The following DNAH11 variants were observed in gnomAD, a reference collection of about 807,000 sequenced individuals.
The protein encoded by DNAH11 is dynein axonemal heavy chain 11, also known as axonemal beta dynein heavy chain 11.
DNAH11 carries 442 observed loss-of-function variants against 526.0 expected under a neutral mutation model. The observed-to-expected ratio is 0.84, with a 90% confidence interval of 0.78 to 0.91. The LOEUF is 0.91. DNAH11 is among the 40% of genes least tolerant of loss of function. The pLI, the probability that DNAH11 is intolerant of heterozygous loss-of-function variation, is 0.00. For synonymous variants in DNAH11, 2,461 were observed against 1,935.9 expected, an observed-to-expected ratio of 1.27 and a Z score of -7.12; for missense variants, 6,989 against 5,448.7, an observed-to-expected ratio of 1.28 and a Z score of -8.90.
At chr7:21,815,255 C>G (rs1014900420) in intron 63 of DNAH11, among the ~76,000 whole-genome samples, 1 of 152,094 alleles carries the variant, frequency 6.6e-6, no homozygotes, top group South Asian at 2.1e-4. Flanking sequence ...TAGAAGGTAA[C>G]AAACTAAAGC....
intron 63 of DNAH11, among the ~76,000 whole-genome samples, chr7:21,809,292 T>C (rs1422155279): frequency 6.6e-6 from 1 of 152,240 alleles, no homozygotes; most frequent in Non-Finnish European, 1.5e-5. Context: ...ATTGATGCCT[T>C]GTTGGGTGAA....
chr7:21,729,437 G>C (rs1583635961), intron 45 of DNAH11, among the ~76,000 whole-genome samples: 2 of 152,156 alleles, frequency 1.3e-5, no homozygotes, highest in Non-Finnish European at 2.9e-5. Context: ...TCTGCGTATG[G>C]ACAAGCTGAG....
Position 21,901,302 on chromosome 7 carries a change from T to C in DNAH11, c.*48T>C. The C allele has an allele frequency of 6.5e-7, 1 of 1,550,192 alleles. No individual in the cohort carries two copies. Among genetic ancestry groups the C allele is most frequent in the Non-Finnish European group, 8.7e-7 (1 of 1,149,404 alleles). ...CCTCTGCTGGAGTGCAGTGAGGATT[T>C]TCTAGCATGTTGCTGCACTGTTCCC... is the stretch of plus-strand genomic sequence containing the variant. On this transcript the variant is annotated 3_prime_UTR_variant, in exon 82 of 82. Transcript: ENST00000409508.
intron 66 of DNAH11, among the ~76,000 whole-genome samples, chr7:21,844,583 G>A (rs559450092): frequency 8.5e-5 from 13 of 152,240 alleles, no homozygotes; most frequent in African/African-American, 2.6e-4. Context: ...TCCAGAAAAC[G>A]ATTGCCACCC....
chr7:21,559,764 G>C lies in DNAH11; in HGVS notation c.854G>C (p.Arg285Thr). ...GAACTAGATTTCTGGATGATGAGGA[G>C]AGAAAATCTGTCATGCATTTATGAT... ...QAELDFWMMR[R>T]ENLSCIYDQL... Residue 285 changes from arginine to threonine, a missense_variant, in exon 4 of 82, where the codon AGA (arginine) becomes ACA (threonine). Transcript: ENST00000409508. 2 of 1,604,238 alleles carry C rather than the reference G, an allele frequency of 1.2e-6. No individual in the cohort carries two copies. The highest frequency in any genetic ancestry group is 1.3e-5 in the African/African-American group (1 of 74,960).
intron 1 of DNAH11, among the ~76,000 whole-genome samples, chr7:21,544,439 T>TA (rs1010379016): frequency 5.3e-5 from 8 of 152,172 alleles, no homozygotes; most frequent in East Asian, 1.9e-4. Flanking sequence ...ATTGTAACTT[T>TA]AAAAAAAATA....
rs200445638 is a variant in DNAH11 at position 21,900,074 on chromosome 7, A to C, written c.13257A>C (p.Gly4419=). The change falls in exon 81 of 82, where the codon GGA becomes GGC. Residue 4419 remains glycine (G), a synonymous_variant. Coordinates refer to ENST00000409508, the MANE Select transcript of DNAH11 (RefSeq NM_001277115.2). ...CCAAAAAAACAAAGGAAGATTATGG[A>C]CACCCGCCAAGGGAAGGTGCATACC... ...DVTKKTKEDY[G]HPPREGAYLH... is the part of the protein sequence containing the mutation. 1 of 1,613,946 alleles carries C rather than the reference A, an allele frequency of 6.2e-7. No individual in the cohort carries two copies. Among genetic ancestry groups the C allele is most frequent in the East Asian group, 2.2e-5 (1 of 44,888 alleles).
intron 30 of DNAH11, among the ~76,000 whole-genome samples, chr7:21,680,452 A>C (rs76721788): frequency 0.01 from 1,544 of 152,322 alleles, 32 homozygotes; most frequent in African/African-American, 0.035. Flanking sequence ...CATACTAACA[A>C]AATGACCACC....
At chr7:21,630,862 C>G (rs145467125) in intron 25 of DNAH11, among the ~76,000 whole-genome samples, 1 of 152,122 alleles carries the variant, frequency 6.6e-6, no homozygotes, top group African/African-American at 2.4e-5. Flanking sequence ...ATTTATATCT[C>G]TCTCAGGCTT....
intron 75 of DNAH11, 50 bp downstream of exon 75, chr7:21,880,943 C>CAGTCTTTG: frequency 6.7e-7 from 1 of 1,487,002 alleles, no homozygotes; most frequent in Non-Finnish European, 9.0e-7. Context: ...ACAAAGCTGT[C>CAGTCTTTG]AGTCTTTGGG....
At chr7:21,898,877 C>T (rs75439933) in intron 79 of DNAH11, among the ~76,000 whole-genome samples, 6,501 of 152,274 alleles carry the variant, frequency 0.043, 184 homozygotes, top group South Asian at 0.094. Flanking sequence ...CCACTGCCTC[C>T]GCACATGCTG....
chr7:21,752,651 G>T (rs766047453), intron 54 of DNAH11, among the ~76,000 whole-genome samples: 4 of 152,078 alleles, frequency 2.6e-5, no homozygotes, highest in East Asian at 3.9e-4. Context: ...TCCATTTCTT[G>T]TAAATTTAGA....
At chr7:21,692,227 A>C (rs1783661606) in intron 35 of DNAH11, among the ~76,000 whole-genome samples, 1 of 152,220 alleles carries the variant, frequency 6.6e-6, no homozygotes, top group South Asian at 2.1e-4. Flanking sequence ...GGTGATAGTA[A>C]AAACATTCAG....
chr7:21,701,228 T>C (rs913586597), intron 36 of DNAH11, among the ~76,000 whole-genome samples: 40 of 152,078 alleles, frequency 2.6e-4, no homozygotes, highest in African/African-American at 9.4e-4. Flanking sequence ...AATTCTTCTA[T>C]TGTGACTCAG....
rs573231701 is a variant in DNAH11 at position 21,693,953 on chromosome 7, G to A, written c.6041+3072G>A. On this transcript the variant is annotated intron_variant, in intron 35 of 81. Coordinates refer to ENST00000409508, the MANE Select transcript of DNAH11 (RefSeq NM_001277115.2). Reference sequence around the variant, plus strand: ...CAAGGTGGACCAGGAGAGAGAACACGCGCGAGGTGGGGAAGTGCCACGCAC... The same window carrying A: ...CAAGGTGGACCAGGAGAGAGAACACACGCGAGGTGGGGAAGTGCCACGCAC... Among the ~76,000 whole-genome samples the A allele has an allele frequency of 3.9e-4, 59 of 152,236 alleles. 1 individual carries two copies. The highest frequency in any genetic ancestry group is 6.5e-4 in the Non-Finnish European group (44 of 68,016).
intron 35 of DNAH11, among the ~76,000 whole-genome samples, chr7:21,695,785 G>C (rs965311923): frequency 1.3e-5 from 2 of 152,058 alleles, no homozygotes; most frequent in African/African-American, 4.8e-5. Context: ...AAAAGAAACT[G>C]TCATCAGAGT....
chr7:21,663,283 C>T (rs1226751111), intron 30 of DNAH11, among the ~76,000 whole-genome samples: 2 of 152,032 alleles, frequency 1.3e-5, no homozygotes, highest in Non-Finnish European at 2.9e-5. Flanking sequence ...TTGCAATAAA[C>T]ATAGGGGTAG....
At chr7:21,551,854 G>A (rs115873697) in intron 2 of DNAH11, among the ~76,000 whole-genome samples, 247 of 144,026 alleles carry the variant, frequency 1.7e-3, no homozygotes, top group African/African-American at 6.1e-3. Context: ...AATATTTGTT[G>A]TTATGAGCAA....
Position 21,638,916 on chromosome 7 carries a change from A to G in DNAH11, c.4818-23A>G, listed in dbSNP as rs376747771. ...ATGACTGAAGGGACAAGATATGCTTAAAAACATTTTTCATTCATGTAGGCT... is the reference window on the plus strand; with the variant it reads ...ATGACTGAAGGGACAAGATATGCTTGAAAACATTTTTCATTCATGTAGGCT... On this transcript the variant is annotated intron_variant, in intron 27 of 81. Transcript: ENST00000409508. The G allele has an allele frequency of 5.6e-6, 9 of 1,595,144 alleles. No homozygotes were observed. The African/African-American group carries it at 1.2e-4, about 22-fold the overall frequency.
Sources: allele counts gnomAD v4.1 joint callset (sites outside exome capture counted in the v4.1 genomes callset), GRCh38; gene constraint gnomAD v4.1.1; transcripts MANE v1.5; gene names NCBI Gene and HGNC (gene_info 2026-07-23, HGNC 2026-07-21).